The following STEEP1 variants were observed in gnomAD, a reference collection of about 807,000 sequenced individuals.
The protein encoded by STEEP1 is STING ER exit protein.
A neutral mutation model predicts 19.2 loss-of-function variants in STEEP1; 3 were observed. That is an observed-to-expected ratio of 0.16 (90% CI 0.07 to 0.40). The LOEUF (loss-of-function observed/expected upper bound fraction) is 0.40. STEEP1 is among the 10% of genes least tolerant of loss of function. STEEP1 has a pLI of 0.99. For synonymous variants in STEEP1, 46 were observed against 63.7 expected, an observed-to-expected ratio of 0.72 and a Z score of 1.32; for missense variants, 54 against 177.1, an observed-to-expected ratio of 0.30 and a Z score of 3.94.
intron 2 of STEEP1, among the ~76,000 whole-genome samples, chrX:119,559,227 A>AC (rs752229708): frequency 5.2e-4 from 56 of 107,849 alleles, no homozygotes; most frequent in East Asian, 1.5e-3. Context: ...AAAAAAAAAA[A>AC]AACGGAGATG....
At chrX:119,542,050 CTTTTCTTTTTTTTTT>C (rs568699806) in intron 5 of STEEP1, among the ~76,000 whole-genome samples, 3,264 of 53,540 alleles carry the variant, frequency 0.061, 185 homozygotes, top group African/African-American at 0.2. Context: ...AGTTTCTTTT[CTTTTCTTTTTTTTTT>C]TTTTTTTTTT....
At chrX:119,558,843 C>T (rs1404690564) in intron 2 of STEEP1, among the ~76,000 whole-genome samples, 2 of 110,535 alleles carry the variant, frequency 1.8e-5, no homozygotes, top group Admixed American at 9.8e-5. Flanking sequence ...GTAATTTTAT[C>T]CCTTCCCAGG....
rs372560162 is a variant in STEEP1, at chrX:119,565,379, C to G, written c.-24G>C. The G allele has an allele frequency of 1.5e-5, 17 of 1,144,556 alleles. No homozygotes were observed. Among genetic ancestry groups the G allele is most frequent in the East Asian group, 9.0e-5 (3 of 33,246 alleles). 94.3% of individuals were successfully genotyped at this position (1,144,556 alleles called of 1,213,427 possible). On this transcript the variant is annotated 5_prime_UTR_variant, in exon 1 of 7. Transcript: ENST00000644802. ...ATGATTCCCAAGAGCAATCTGAAAACTCTACGCCAAGAAGAGGGTCGCCCC... is the reference window on the plus strand; with the variant it reads ...ATGATTCCCAAGAGCAATCTGAAAAGTCTACGCCAAGAAGAGGGTCGCCCC...
At chrX:119,561,611 G>A (rs2053321208) in intron 1 of STEEP1, among the ~76,000 whole-genome samples, 1 of 110,252 alleles carries the variant, frequency 9.1e-6, no homozygotes, top group South Asian at 3.9e-4. Flanking sequence ...GAGGGTTGCA[G>A]TGAGCTGGGA....
At chrX:119,551,504 T>C (rs890032330) in intron 2 of STEEP1, among the ~76,000 whole-genome samples, 2 of 109,053 alleles carry the variant, frequency 1.8e-5, no homozygotes, top group African/African-American at 6.7e-5. Context: ...AAAGAATTTC[T>C]ACTTCCTCTG....
chrX:119,558,582 G>C lies in STEEP1; in HGVS notation c.242+1686C>G, dbSNP rs368168305. Among the ~76,000 whole-genome samples the C allele has an allele frequency of 3.3e-4, 37 of 111,774 alleles. 1 individual carries two copies. The highest frequency in any genetic ancestry group is 1.1e-3 in the African/African-American group (35 of 30,813). ...CACTGGTATATATTCCAGACTTCTA[G>C]GATAGTACCTGGAACATAGTAGGAG... On this transcript the variant is annotated intron_variant, in intron 2 of 6. Coordinates refer to ENST00000644802, the MANE Select transcript of STEEP1 (RefSeq NM_022101.4).
chrX:119,545,329 G>A lies in STEEP1; in HGVS notation c.284+134C>T, dbSNP rs2053194666. On this transcript the variant is annotated intron_variant, in intron 3 of 6. Coordinates refer to ENST00000644802, the MANE Select transcript of STEEP1 (RefSeq NM_022101.4). ...GATTGCACCACTGCACTCCAGCCTGGGCGACAGAGCAAGACTCTGTCTCAA... is the reference window on the plus strand; with the variant it reads ...GATTGCACCACTGCACTCCAGCCTGAGCGACAGAGCAAGACTCTGTCTCAA... 7.2e-6 allele frequency: 3 copies of A among 415,586 alleles called. No homozygotes were observed. The East Asian group carries it at 1.4e-4, about 19-fold the overall frequency. 34.2% of individuals were successfully genotyped at this position (415,586 alleles called of 1,213,427 possible). A position where few individuals can be genotyped will look rare whatever the true frequency, so the allele number is the denominator to read the frequency against.
chrX:119,553,507 C>G (rs766294300), intron 2 of STEEP1, among the ~76,000 whole-genome samples: 1 of 111,814 alleles, frequency 8.9e-6, no homozygotes, highest in East Asian at 2.8e-4. Context: ...CCCAAAGTCA[C>G]AAAGTGGTAC....
In STEEP1 at chrX:119,540,699, G is replaced by A. The variant is rs775107302; in HGVS notation, c.606+629C>T. ...ATGTGCCATTACATCCTGGGACAAC[G>A]TCCAGAAACCCTGACCTTTAACTCC... is the stretch of plus-strand genomic sequence containing the variant. On this transcript the variant is annotated intron_variant, in intron 6 of 6. Coordinates refer to ENST00000644802, the MANE Select transcript of STEEP1 (RefSeq NM_022101.4). 8.9e-5 allele frequency among the ~76,000 whole-genome samples: 10 copies of A among 112,321 alleles called. No homozygotes were observed. The South Asian group carries it at 1.8e-3, about 21-fold the overall frequency.
At chrX:119,554,428 G>C (rs1055971917) in intron 2 of STEEP1, among the ~76,000 whole-genome samples, 7 of 111,216 alleles carry the variant, frequency 6.3e-5, no homozygotes, top group Non-Finnish European at 1.1e-4. Flanking sequence ...CTGGGCAACA[G>C]AGTGAGACTT....
At position 119,544,440 on chromosome X, in the gene STEEP1, G is replaced by C. The variant is rs2053186746; in HGVS notation, c.336C>G (p.Thr112=). The C allele has an allele frequency of 8.3e-7, 1 of 1,207,197 alleles. No homozygotes were observed. The highest frequency in any genetic ancestry group is 1.8e-5 in the African/African-American group (1 of 57,138). The part of the protein sequence containing the change: ...YQSQPKNAPV[T]FIVDGAVVKF... ...TGACTACTGCTCCATCCACAATGAA[G>C]GTAACAGGAGCATTCTTTGGCTGGG... Residue 112 remains threonine, a synonymous_variant, in exon 4 of 7, where the codon ACC becomes ACG. Coordinates refer to ENST00000644802, the MANE Select transcript of STEEP1 (RefSeq NM_022101.4).
chrX:119,562,641 C>T lies in STEEP1; in HGVS notation c.125-2256G>A, dbSNP rs761944648. Among the ~76,000 whole-genome samples, 4 of 103,343 alleles carry T rather than the reference C, an allele frequency of 3.9e-5. No homozygotes were observed. The South Asian group carries it at 1.3e-3, about 34-fold the overall frequency. 89.7% of individuals were successfully genotyped at this position (103,343 alleles called of 115,157 possible). On this transcript the variant is annotated intron_variant, in intron 1 of 6. Coordinates refer to ENST00000644802, the MANE Select transcript of STEEP1 (RefSeq NM_022101.4). ...GGCAGAGGTTGCAGTGAGGTGAGAT[C>T]GCACCATTGCACTCCAGCCTGGGCT... is the stretch of plus-strand genomic sequence containing the variant.
In STEEP1 at chrX:119,539,530, C is replaced by CAAA. The variant is rs34447220; in HGVS notation, c.*194_*196dup. On this transcript the variant is annotated 3_prime_UTR_variant, in exon 7 of 7. Transcript: ENST00000644802. ...TGGGCGAAAGAGCAAGACTTTATCT[C>CAAA]AAAAAAAAAAAAAAAAAAAAGAAAG... 23 of 304,610 alleles carry CAAA rather than the reference C, an allele frequency of 7.6e-5. No homozygotes were observed. The highest frequency in any genetic ancestry group is 4.1e-4 in the African/African-American group (12 of 28,984). The allele number at this position is 304,610 out of a possible 1,213,427, so 25.1% of individuals were successfully genotyped here. A position where few individuals can be genotyped will look rare whatever the true frequency, so the allele number is the denominator to read the frequency against.
At chrX:119,556,111 C>A (rs2053276698) in intron 2 of STEEP1, among the ~76,000 whole-genome samples, 1 of 111,152 alleles carries the variant, frequency 9.0e-6, no homozygotes, top group Admixed American at 9.7e-5. Context: ...ATTATCATGT[C>A]CATTTCCCAA....
At chrX:119,540,192 A>G (rs1008156840) in intron 6 of STEEP1, among the ~76,000 whole-genome samples, 2 of 112,482 alleles carry the variant, frequency 1.8e-5, no homozygotes, top group Admixed American at 9.5e-5. Context: ...ATTGGTCCAC[A>G]CAAAATATGT....
At chrX:119,544,054 T>C (rs753918225) in intron 4 of STEEP1, among the ~76,000 whole-genome samples, 5 of 111,377 alleles carry the variant, frequency 4.5e-5, no homozygotes, top group Non-Finnish European at 9.4e-5. Flanking sequence ...AGGGGATGAA[T>C]ACCCCATTTT....
intron 4 of STEEP1, among the ~76,000 whole-genome samples, chrX:119,543,283 G>A (rs939844400): frequency 5.4e-5 from 6 of 110,210 alleles, no homozygotes; most frequent in African/African-American, 1.7e-4. Flanking sequence ...TGCCTCCTGG[G>A]TTCAAGCGAT....
chrX:119,546,385 G>A (rs2053205283), intron 2 of STEEP1, among the ~76,000 whole-genome samples: 1 of 104,514 alleles, frequency 9.6e-6, no homozygotes, highest in African/African-American at 3.6e-5. Flanking sequence ...AGGCTGCAGT[G>A]AGCCGAGTTC....
intron 2 of STEEP1, among the ~76,000 whole-genome samples, chrX:119,558,716 C>T (rs1372781956): frequency 9.0e-6 from 1 of 110,878 alleles, no homozygotes; most frequent in Admixed American, 9.7e-5. Context: ...TAGCCACACC[C>T]CCACACACTT....
Sources: gnomAD v4.1 joint callset for allele counts (sites outside exome capture counted in the v4.1 genomes callset) on GRCh38, gnomAD v4.1.1 for gene constraint, MANE v1.5 for transcripts, NCBI Gene and HGNC (gene_info 2026-07-23, HGNC 2026-07-21) for gene names.